The following APC variants were observed in gnomAD, a reference collection of about 807,000 sequenced individuals.
The protein encoded by APC is adenomatous polyposis coli protein.
APC carries 72 observed loss-of-function variants against 247.0 expected under a neutral mutation model. The ratio of observed to expected loss-of-function variants is 0.29; its 90% CI spans 0.24 to 0.35. APC has a LOEUF of 0.35. Among genes scored for constraint, APC ranks in the 10% least tolerant of loss-of-function variants. APC has a pLI of 1.00. For synonymous variants in APC, 1,254 were observed against 1,162.5 expected, an observed-to-expected ratio of 1.08 and a Z score of -1.60; for missense variants, 3,400 against 3,360.7, an observed-to-expected ratio of 1.01 and a Z score of -0.29.
At position 112,843,102 on chromosome 5, in the gene APC, G is replaced by A. The variant is rs750111908; in HGVS notation, c.7508G>A (p.Gly2503Glu). The change falls in exon 16 of 16, where the codon GGA becomes GAA. Residue 2503 changes from glycine (G) to glutamate (E), a missense_variant. By Grantham distance (98) the Gly-to-Glu change is moderately conservative. Coordinates refer to ENST00000257430, the MANE Select transcript of APC (RefSeq NM_000038.6). This position sits in a 1 kb window ranked among gnomAD's most constrained non-coding sequence, Gnocchi z 4.8. ...ACACATTCGTCTGTTCAGGCTGGTG[G>A]ATGGCGAAAACTCCCACCTAATCTC... ...LSTHSSVQAG[G>E]WRKLPPNLSP... The A allele has an allele frequency of 3.1e-6, 5 of 1,614,048 alleles. No individual in the cohort carries two copies. The South Asian group carries it at 5.5e-5, about 18-fold the overall frequency.
chr5:112,747,076 G>T (rs1457167288), intron 1 of APC, among the ~76,000 whole-genome samples: 1 of 152,278 alleles, frequency 6.6e-6, no homozygotes, highest in Middle Eastern at 3.4e-3. Context: ...TGATCCTCCA[G>T]CCCCAGCCTT....
At chr5:112,737,952 G>A in intron 1 of APC, 27 bp downstream of exon 1, 1 of 985,794 alleles carries the variant, frequency 1.0e-6, no homozygotes, top group Non-Finnish European at 1.2e-6. Context: ...CCATGGCCAG[G>A]CTTGCTGCGG....
rs786201448 is a variant in APC at position 112,842,875 on chromosome 5, T to C, written c.7281T>C (p.Ser2427=). The C allele has an allele frequency of 6.2e-6, 10 of 1,614,026 alleles. No homozygotes were observed. The highest frequency in any genetic ancestry group is 8.5e-6 in the Non-Finnish European group (10 of 1,179,958). Residue 2427 remains serine (S), a synonymous_variant, in exon 16 of 16, where the codon AGT becomes AGC. Transcript: ENST00000257430. The part of the protein sequence containing the change: ...SRMSSTKSSG[S]ESDRSERPVL... The stretch of plus-strand genomic sequence containing the variant: ...TGTCTTCAACTAAATCAAGTGGAAG[T>C]GAATCTGATAGATCAGAAAGACCTG...
chr5:112,752,274 T>C (rs1754469648), intron 1 of APC, among the ~76,000 whole-genome samples: 1 of 152,192 alleles, frequency 6.6e-6, no homozygotes, highest in South Asian at 2.1e-4. Context: ...GCTCCATTAA[T>C]GTAAAAAAGA....
At chr5:112,707,794 G>C (rs775738268) in exon 1 of APC, 2 of 1,370,676 alleles carry the variant, frequency 1.5e-6, no homozygotes, top group South Asian at 2.4e-5. Flanking sequence ...GGGTCCTGGA[G>C]CACCGGCGGC....
intron 11 of APC, among the ~76,000 whole-genome samples, chr5:112,825,110 C>G (rs932339698): frequency 9.2e-5 from 14 of 152,154 alleles, no homozygotes; most frequent in Non-Finnish European, 1.6e-4. Context: ...CTCAGAAATT[C>G]CAATCCAGTT....
chr5:112,752,877 G>T (rs1174066297), intron 1 of APC, among the ~76,000 whole-genome samples: 1 of 152,082 alleles, frequency 6.6e-6, no homozygotes, highest in Non-Finnish European at 1.5e-5. Context: ...AAAAAAAGAT[G>T]ATTAAAAGTT....
intron 1 of APC, among the ~76,000 whole-genome samples, chr5:112,725,203 C>T (rs1411823646): frequency 6.6e-6 from 1 of 152,050 alleles, no homozygotes; most frequent in Non-Finnish European, 1.5e-5. Flanking sequence ...AAACTACTGA[C>T]CTCAGGTGGT....
intron 2 of APC, among the ~76,000 whole-genome samples, chr5:112,763,071 CT>C (rs1755844691): frequency 6.6e-6 from 1 of 152,100 alleles, no homozygotes; most frequent in East Asian, 1.9e-4. Flanking sequence ...CTTTGGGAAT[CT>C]TTTTAAAAAT....
chr5:112,829,049 G>A, intron 14 of APC, 77 bp downstream of exon 14: 2 of 1,005,540 alleles, frequency 2.0e-6, no homozygotes. Flanking sequence ...TTAGCCATGA[G>A]ATTTCCTAAT....
At chr5:112,781,329 G>A (rs1758325630) in intron 6 of APC, among the ~76,000 whole-genome samples, 1 of 152,192 alleles carries the variant, frequency 6.6e-6, no homozygotes, top group South Asian at 2.1e-4. Flanking sequence ...TTTTAGGAGA[G>A]ATGAAGTAAG....
At chr5:112,830,829 A>T (rs1415043136) in intron 14 of APC, among the ~76,000 whole-genome samples, 5 of 152,164 alleles carry the variant, frequency 3.3e-5, no homozygotes, top group Admixed American at 3.3e-4. Flanking sequence ...ACTTTTGGGG[A>T]TGATATAAAT....
chr5:112,813,325 G>A (rs183300411), intron 8 of APC, among the ~76,000 whole-genome samples: 13 of 152,052 alleles, frequency 8.5e-5, no homozygotes, highest in African/African-American at 2.9e-4. Flanking sequence ...GCACTAGTCA[G>A]GAAAACCTCA....
chr5:112,840,186 A>T lies in APC; in HGVS notation c.4592A>T (p.Asn1531Ile), dbSNP rs1765717537. Residue 1531 changes from asparagine to isoleucine, a missense_variant, in exon 16 of 16, where the codon AAT (asparagine) becomes ATT (isoleucine). Asn to Ile is a moderately radical substitution (Grantham distance 149). Transcript: ENST00000257430. The surrounding 1 kb of genome is among the most constrained non-coding windows in gnomAD (Gnocchi z 4.1). Reference protein sequence around the residue: ...ELRIMPPVQENDNGNETESEQ... With the variant: ...ELRIMPPVQEIDNGNETESEQ... ...AGAATAATGCCTCCAGTTCAGGAAA[A>T]TGACAATGGGAATGAAACAGAATCA... The T allele has an allele frequency of 6.2e-7, 1 of 1,614,212 alleles. No individual in the cohort carries two copies. The highest frequency in any genetic ancestry group is 8.5e-7 in the Non-Finnish European group (1 of 1,180,026).
intron 2 of APC, among the ~76,000 whole-genome samples, chr5:112,760,485 A>T (rs753225176): frequency 6.6e-6 from 1 of 152,114 alleles, no homozygotes; most frequent in Non-Finnish European, 1.5e-5. Flanking sequence ...TGAGTTTACA[A>T]CCTCCAAGAG....
rs2149629365 is a variant in APC at position 112,707,557 on chromosome 5, T to C, written c.-161T>C. The C allele has an allele frequency of 1.6e-6, 1 of 622,140 alleles. No individual in the cohort carries two copies. The highest frequency in any genetic ancestry group is 2.6e-6 in the Non-Finnish European group (1 of 389,166). The allele number at this position is 622,140 out of a possible 1,614,324, so 38.5% of individuals were successfully genotyped here. On this transcript the variant is annotated 5_prime_UTR_variant, in exon 1 of 14. Coordinates refer to the APC transcript ENST00000507379. ...GAGGGCAAGTAGCAAGGGGGCGGGG[T>C]GTGGCCGCCGGAAGCCTAGCCGCTG...
intron 1 of APC, among the ~76,000 whole-genome samples, chr5:112,732,808 G>A (rs894420350): frequency 2.6e-5 from 4 of 152,308 alleles, no homozygotes; most frequent in Middle Eastern, 3.4e-3. Flanking sequence ...TTCTAGGTGG[G>A]TTGCTGGATT....
intron 3 of APC, among the ~76,000 whole-genome samples, 154 bp from the exon 4 acceptor site, chr5:112,767,035 T>G (rs546213140): frequency 1.3e-4 from 20 of 152,352 alleles, no homozygotes; most frequent in Non-Finnish European, 2.9e-4. Context: ...AGTGGACTTT[T>G]CAGGGAAAGT....
intron 7 of APC, 63 bp downstream of exon 7, chr5:112,792,592 A>G (rs937900704): frequency 1.8e-5 from 22 of 1,207,118 alleles, no homozygotes; most frequent in African/African-American, 6.0e-5. Context: ...AGAAAAGAAA[A>G]CATGTATAAT....
Sources: allele counts gnomAD v4.1 joint callset (sites outside exome capture counted in the v4.1 genomes callset), GRCh38; gene constraint gnomAD v4.1.1; non-coding constraint Gnocchi (gnomAD v3.1); transcripts MANE v1.5; gene names NCBI Gene and HGNC (gene_info 2026-07-23, HGNC 2026-07-21).